The following DCC variants were observed in gnomAD, a reference collection of about 807,000 sequenced individuals.
DCC encodes DCC netrin 1 receptor.
A neutral mutation model predicts 172.5 loss-of-function variants in DCC; 58 were observed. The ratio of observed to expected loss-of-function variants is 0.34; its 90% CI spans 0.27 to 0.42. The LOEUF (loss-of-function observed/expected upper bound fraction) is 0.42. Among genes scored for constraint, DCC ranks in the 10% least tolerant of loss-of-function variants. DCC has a pLI of 1.00. For missense variants in DCC, 1,740 were observed against 1,791.0 expected (o/e 0.97, Z 0.51); for synonymous variants, 709 against 644.5 (o/e 1.10, Z -1.52).
At chr18:53,058,283 G>GA (rs1302024833) in intron 5 of DCC, among the ~76,000 whole-genome samples, 1 of 152,100 alleles carries the variant, frequency 6.6e-6, no homozygotes, top group African/African-American at 2.4e-5. Context: ...AAAGGAATGA[G>GA]AAAAAATAAG....
chr18:53,453,262 C>T (rs1252634781), intron 23 of DCC, among the ~76,000 whole-genome samples: 1 of 152,122 alleles, frequency 6.6e-6, no homozygotes, highest in Non-Finnish European at 1.5e-5. Flanking sequence ...GACCGCTACT[C>T]CTCTGCATCA....
chr18:52,488,238 C>T (rs1183643215), intron 1 of DCC, among the ~76,000 whole-genome samples: 1 of 152,084 alleles, frequency 6.6e-6, no homozygotes, highest in African/African-American at 2.4e-5. Context: ...TCTTAAAATG[C>T]TCCAATAGTC....
intron 7 of DCC, among the ~76,000 whole-genome samples, chr18:53,155,642 GCTTCTA>G (rs1455239565): frequency 3.9e-5 from 6 of 152,186 alleles, no homozygotes. Context: ...CATGAAAATT[GCTTCTA>G]CTTTTTGTTA....
chr18:52,530,239 A>T (rs1568214710), intron 1 of DCC, among the ~76,000 whole-genome samples: 1 of 152,190 alleles, frequency 6.6e-6, no homozygotes, highest in Non-Finnish European at 1.5e-5. Flanking sequence ...TGTTTTACAC[A>T]CACACGCACA....
At chr18:53,065,690 T>C (rs2042556343) in intron 6 of DCC, among the ~76,000 whole-genome samples, 1 of 152,218 alleles carries the variant, frequency 6.6e-6, no homozygotes, top group Admixed American at 6.5e-5. Context: ...CTTCCTTCAA[T>C]AACAAGTAAA....
chr18:52,362,356 T>G (rs551527079), intron 1 of DCC, among the ~76,000 whole-genome samples: 1 of 152,370 alleles, frequency 6.6e-6, no homozygotes, highest in East Asian at 1.9e-4. Flanking sequence ...AACAGTCAAC[T>G]TCTTTCTTGA....
intron 12 of DCC, among the ~76,000 whole-genome samples, chr18:53,275,653 A>G (rs1410844465): frequency 3.3e-5 from 5 of 152,110 alleles, no homozygotes; most frequent in Admixed American, 1.3e-4. Flanking sequence ...CAATATAGCA[A>G]GCAACAACCC....
At chr18:52,588,628 A>G (rs752125256) in intron 1 of DCC, among the ~76,000 whole-genome samples, 4 of 152,174 alleles carry the variant, frequency 2.6e-5, no homozygotes, top group Non-Finnish European at 4.4e-5. Context: ...AACTTTTCTG[A>G]GGGTCAAGGA....
chr18:53,173,184 G>T (rs181791109), intron 8 of DCC, among the ~76,000 whole-genome samples: 1 of 152,128 alleles, frequency 6.6e-6, no homozygotes, highest in Admixed American at 6.6e-5. Flanking sequence ...TGTGGTATGT[G>T]GCAAATGGGA....
chr18:53,042,443 C>A (rs1300592429), intron 5 of DCC, among the ~76,000 whole-genome samples: 1 of 151,952 alleles, frequency 6.6e-6, no homozygotes, highest in East Asian at 1.9e-4. Context: ...CGATGTTCGT[C>A]AGGCATATTG....
At chr18:53,301,962 G>T (rs978277310) in intron 12 of DCC, among the ~76,000 whole-genome samples, 4 of 152,208 alleles carry the variant, frequency 2.6e-5, no homozygotes, top group African/African-American at 9.7e-5. Context: ...CTCACAGTTA[G>T]TGAAGCTAGA....
At chr18:52,952,754 C>T (rs186619703) in intron 5 of DCC, among the ~76,000 whole-genome samples, 2 of 152,130 alleles carry the variant, frequency 1.3e-5, no homozygotes, top group Admixed American at 1.3e-4. Flanking sequence ...AATCCCAGTG[C>T]TTTGGGAGAT....
chr18:53,450,142 T>TAC (rs992007588), intron 22 of DCC, among the ~76,000 whole-genome samples: 10,687 of 148,784 alleles, frequency 0.072, 740 homozygotes, highest in African/African-American at 0.18. Context: ...TATATATATA[T>TAC]ACACACACAC....
intron 1 of DCC, among the ~76,000 whole-genome samples, chr18:52,363,098 G>C (rs1984694570): frequency 1.3e-5 from 2 of 152,062 alleles, no homozygotes; most frequent in African/African-American, 4.8e-5. Context: ...GGCTAGTATT[G>C]AACTCCTGAC....
chr18:52,900,215 A>G lies in DCC; in HGVS notation c.413-5829A>G, dbSNP rs1390851896. Among the ~76,000 whole-genome samples the G allele has an allele frequency of 2.6e-5, 4 of 152,332 alleles. No homozygotes were observed. The South Asian group carries it at 6.2e-4, about 24-fold the overall frequency. On this transcript the variant is annotated intron_variant, in intron 2 of 28. Transcript: ENST00000442544. ...GTTACTGAAGAGCTGCAAATAGGGT[A>G]AAACCTTTACTCTTCCTTGCATGGG...
intron 9 of DCC, among the ~76,000 whole-genome samples, chr18:53,180,929 A>G (rs116978739): frequency 2.5e-3 from 380 of 152,274 alleles, no homozygotes; most frequent in Non-Finnish European, 4.7e-3. Context: ...TTGAGTCTCA[A>G]TTGCTTTATT....
chr18:52,473,369 C>T (rs1989000823), intron 1 of DCC, among the ~76,000 whole-genome samples: 1 of 152,222 alleles, frequency 6.6e-6, no homozygotes, highest in African/African-American at 2.4e-5. Flanking sequence ...AGTCAATTGG[C>T]ATCTCCAATG....
intron 1 of DCC, among the ~76,000 whole-genome samples, chr18:52,558,147 T>C (rs2032957365): frequency 6.6e-6 from 1 of 151,926 alleles, no homozygotes; most frequent in African/African-American, 2.4e-5. Flanking sequence ...CATAACTGTT[T>C]ATTATTGAAA....
rs552881400 is a variant in DCC at position 52,875,638 on chromosome 18, T to A, written c.413-30406T>A. On this transcript the variant is annotated intron_variant, in intron 2 of 28. Coordinates refer to ENST00000442544, the MANE Select transcript of DCC (RefSeq NM_005215.4). Reference sequence around the variant, plus strand: ...AAGGCGACTGCTGATTTATTTGCAATTAGTAGTAAAGAATTCATAACAATG... The same window carrying A: ...AAGGCGACTGCTGATTTATTTGCAAATAGTAGTAAAGAATTCATAACAATG... Among the ~76,000 whole-genome samples, 30 of 152,344 alleles carry A rather than the reference T, an allele frequency of 2.0e-4. No individual in the cohort carries two copies. The South Asian group carries it at 3.7e-3, about 19-fold the overall frequency.
Sources: allele counts gnomAD v4.1 joint callset (sites outside exome capture counted in the v4.1 genomes callset), GRCh38; gene constraint gnomAD v4.1.1; transcripts MANE v1.5; gene names NCBI Gene and HGNC (gene_info 2026-07-23, HGNC 2026-07-21).